The following EFNA5 variants were observed in gnomAD, a reference collection of about 807,000 sequenced individuals.
EFNA5 encodes ephrin A5.
EFNA5 carries 5 observed loss-of-function variants against 22.9 expected under a neutral mutation model. That is an observed-to-expected ratio of 0.22 (90% CI 0.11 to 0.46). The LOEUF (loss-of-function observed/expected upper bound fraction) is 0.46. EFNA5 is among the 20% of genes least tolerant of loss of function. The pLI is 0.99. For missense variants in EFNA5, 237 were observed against 293.3 expected (o/e 0.81, Z 1.40); for synonymous variants, 113 against 112.2 (o/e 1.01, Z -0.04).
rs979800276 is a variant in EFNA5 at position 107,445,392 on chromosome 5, A to T, written c.126-17883T>A. 3.3e-5 allele frequency among the ~76,000 whole-genome samples: 5 copies of T among 152,310 alleles called. No homozygotes were observed. The East Asian group carries it at 9.6e-4, about 29-fold the overall frequency. On this transcript the variant is annotated intron_variant, in intron 1 of 4. Transcript: ENST00000333274. ...TTTTAATGCACTTTGTACAGAGCAC[A>T]TATGTGCTCTATTGAAGGGTTTATA...
At chr5:107,425,720 T>C (rs1748793798) in intron 2 of EFNA5, among the ~76,000 whole-genome samples, 1 of 152,206 alleles carries the variant, frequency 6.6e-6, no homozygotes. Context: ...AATTTCCTTT[T>C]TAAATTCAAT....
At chr5:107,653,026 G>A (rs1022006891) in intron 1 of EFNA5, among the ~76,000 whole-genome samples, 3 of 152,048 alleles carry the variant, frequency 2.0e-5, no homozygotes, top group Admixed American at 2.0e-4. Context: ...AGACCCAAGA[G>A]AGTGTGTAAT....
chr5:107,662,372 A>G (rs982720077), intron 1 of EFNA5, among the ~76,000 whole-genome samples: 2 of 152,224 alleles, frequency 1.3e-5, no homozygotes, highest in East Asian at 3.8e-4. Context: ...AAGTCAGGTT[A>G]CTTTTGAAAT....
intron 2 of EFNA5, 58 bp from the exon 3 acceptor site, chr5:107,387,829 C>T: frequency 2.5e-6 from 3 of 1,197,070 alleles, no homozygotes; most frequent in Non-Finnish European, 3.6e-6. Context: ...ACATATTACT[C>T]TTCATTTTCA....
intron 4 of EFNA5, among the ~76,000 whole-genome samples, chr5:107,384,697 G>C (rs777487154): frequency 2.7e-5 from 4 of 150,446 alleles, no homozygotes; most frequent in African/African-American, 9.8e-5. Context: ...CTGTAGCCTC[G>C]AACTCCTGGG....
At chr5:107,470,940 C>A (rs1404678077) in intron 1 of EFNA5, among the ~76,000 whole-genome samples, 1 of 152,012 alleles carries the variant, frequency 6.6e-6, no homozygotes, top group Non-Finnish European at 1.5e-5. Flanking sequence ...CAAGAAAAAC[C>A]CATCTACTAA....
intron 1 of EFNA5, among the ~76,000 whole-genome samples, chr5:107,465,895 T>C (rs112122681): frequency 3.3e-4 from 51 of 152,250 alleles, no homozygotes; most frequent in African/African-American, 1.1e-3. Context: ...TCACGGCTAC[T>C]GGTACCAGAC....
At chr5:107,476,395 A>G (rs1456286704) in intron 1 of EFNA5, among the ~76,000 whole-genome samples, 1 of 152,094 alleles carries the variant, frequency 6.6e-6, no homozygotes, top group African/African-American at 2.4e-5. Flanking sequence ...TATTATACTT[A>G]GAATGGAACT....
chr5:107,442,264 A>G (rs551050850), intron 1 of EFNA5, among the ~76,000 whole-genome samples: 117 of 152,300 alleles, frequency 7.7e-4, no homozygotes, highest in African/African-American at 2.8e-3. Context: ...ATATACTAGT[A>G]AAATAAAGTT....
At chr5:107,634,108 T>C (rs968162307) in intron 1 of EFNA5, among the ~76,000 whole-genome samples, 1 of 152,220 alleles carries the variant, frequency 6.6e-6, no homozygotes, top group Non-Finnish European at 1.5e-5. Context: ...TGGCAGGGGA[T>C]AACAGATACA....
At chr5:107,581,031 G>A (rs1749064640) in intron 1 of EFNA5, among the ~76,000 whole-genome samples, 1 of 152,174 alleles carries the variant, frequency 6.6e-6, no homozygotes, top group Admixed American at 6.5e-5. Context: ...CTTTGAACAA[G>A]AAATTTTTAA....
intron 1 of EFNA5, among the ~76,000 whole-genome samples, chr5:107,453,887 T>A (rs1439956466): frequency 6.6e-6 from 1 of 152,052 alleles, no homozygotes; most frequent in Admixed American, 6.6e-5. Flanking sequence ...ACGGTTTTGA[T>A]TAGAAGAATA....
At chr5:107,663,317 T>C (rs1239287541) in intron 1 of EFNA5, among the ~76,000 whole-genome samples, 2 of 152,148 alleles carry the variant, frequency 1.3e-5, no homozygotes, top group Admixed American at 1.3e-4. Context: ...AATCTCTAAG[T>C]AGGTATTCAT....
chr5:107,406,924 G>GA (rs1336399098), intron 2 of EFNA5, among the ~76,000 whole-genome samples: 2 of 152,084 alleles, frequency 1.3e-5, no homozygotes, highest in Non-Finnish European at 1.5e-5. Context: ...GTTTAAATTA[G>GA]AAAAAAGTGA....
At chr5:107,400,272 A>G (rs191865777) in intron 2 of EFNA5, among the ~76,000 whole-genome samples, 17 of 147,308 alleles carry the variant, frequency 1.2e-4, no homozygotes, top group Non-Finnish European at 2.9e-5. Context: ...AAATTTTTAG[A>G]AAGATTTAAA....
intron 2 of EFNA5, among the ~76,000 whole-genome samples, chr5:107,390,455 A>C (rs1747754739): frequency 6.6e-6 from 1 of 152,194 alleles, no homozygotes; most frequent in South Asian, 2.1e-4. Context: ...AAAACATAAC[A>C]GAGGAATTGA....
intron 1 of EFNA5, among the ~76,000 whole-genome samples, chr5:107,441,058 C>T (rs1333907750): frequency 6.8e-6 from 1 of 148,052 alleles, no homozygotes; most frequent in Non-Finnish European, 1.5e-5. Context: ...GTATTCCTTT[C>T]AACCCTCTCT....
At chr5:107,542,197 C>T (rs1205451710) in intron 1 of EFNA5, among the ~76,000 whole-genome samples, 2 of 152,042 alleles carry the variant, frequency 1.3e-5, no homozygotes, top group African/African-American at 2.4e-5. Context: ...TTTTAAAGTT[C>T]TCAGGATCAT....
chr5:107,646,202 G>C (rs2112548888), intron 1 of EFNA5, among the ~76,000 whole-genome samples: 1 of 152,270 alleles, frequency 6.6e-6, no homozygotes, highest in South Asian at 2.1e-4. Context: ...GATGACTATA[G>C]TTAGTAATAT....
Sources: gnomAD v4.1 joint callset for allele counts (sites outside exome capture counted in the v4.1 genomes callset) on GRCh38, gnomAD v4.1.1 for gene constraint, MANE v1.5 for transcripts, NCBI Gene and HGNC (gene_info 2026-07-23, HGNC 2026-07-21) for gene names.